ATP5F1C: variants seen among roughly 807,000 people sequenced by gnomAD.
ATP5F1C encodes ATP synthase F(1) complex subunit gamma, mitochondrial.
A neutral mutation model predicts 37.4 loss-of-function variants in ATP5F1C; 22 were observed. The ratio of observed to expected loss-of-function variants is 0.59; its 90% CI spans 0.42 to 0.84. The LOEUF (loss-of-function observed/expected upper bound fraction) is 0.84. Among genes scored for constraint, ATP5F1C ranks in the 40% least tolerant of loss-of-function variants. ATP5F1C has a pLI of 0.00. For synonymous variants in ATP5F1C, 121 were observed against 128.0 expected (o/e 0.95, Z 0.37); for missense variants, 286 against 362.4 (o/e 0.79, Z 1.71).
Position 7,800,042 on chromosome 10 carries a change from T to C in ATP5F1C, c.588T>C (p.Tyr196=). The C allele has an allele frequency of 1.2e-6, 2 of 1,614,078 alleles. No homozygotes were observed. Among genetic ancestry groups the C allele is most frequent in the Non-Finnish European group, 1.7e-6 (2 of 1,179,990 alleles). Residue 196 remains tyrosine, a synonymous_variant, in exon 6 of 10, where the codon TAT becomes TAC. Coordinates refer to ENST00000356708, the MANE Select transcript of ATP5F1C (RefSeq NM_001001973.3). The stretch of plus-strand genomic sequence containing the variant: ...TCAATTCTAGGTCTGTCATCTCCTA[T>C]AAGACAGAAGAAAAGCCCATCTTTT... The part of the protein sequence containing the change: ...IFNKFRSVIS[Y]KTEEKPIFSL...
chr10:7,792,008 CAGTTGAAGTGTCTGCCTAAA>C (rs1443203605), intron 1 of ATP5F1C, among the ~76,000 whole-genome samples: 7 of 152,294 alleles, frequency 4.6e-5, no homozygotes, highest in African/African-American at 1.7e-4. Flanking sequence ...AAACTTGTGT[CAGTTGAAGTGTCTGCCTAAA>C]ACAATAATAT....
At chr10:7,806,865 T>A (rs901171682) in intron 8 of ATP5F1C, 109 bp from the exon 9 acceptor site, 2 of 896,684 alleles carry the variant, frequency 2.2e-6, no homozygotes, top group Admixed American at 4.0e-5. Flanking sequence ...AGGTATCAAG[T>A]TTAACAATTG....
chr10:7,807,420 T>C (rs944508846), intron 9 of ATP5F1C, among the ~76,000 whole-genome samples: 3 of 152,204 alleles, frequency 2.0e-5, no homozygotes, highest in Non-Finnish European at 4.4e-5. Context: ...AACTCTACTG[T>C]ATACTCGAGA....
At chr10:7,791,997 G>A (rs572958451) in intron 1 of ATP5F1C, among the ~76,000 whole-genome samples, 2 of 152,208 alleles carry the variant, frequency 1.3e-5, no homozygotes, top group Non-Finnish European at 2.9e-5. Context: ...TCTCTGACTA[G>A]AAACTTGTGT....
In ATP5F1C at chr10:7,807,668, G is replaced by GA. The variant is rs750974975; in HGVS notation, c.*44dup. 4 of 1,607,034 alleles carry GA rather than the reference G, an allele frequency of 2.5e-6. No homozygotes were observed. The highest frequency in any genetic ancestry group is 3.4e-6 in the Non-Finnish European group (4 of 1,176,392). ...GTACTTTGTTTTTCAGGTAAAGAAGGAAAATTCAGCCAGTTGATTTTGTTT... is the reference window on the plus strand; with the variant it reads ...GTACTTTGTTTTTCAGGTAAAGAAGGAAAAATTCAGCCAGTTGATTTTGTTT... On this transcript the variant is annotated 3_prime_UTR_variant, in exon 10 of 10. Coordinates refer to ENST00000356708, the MANE Select transcript of ATP5F1C (RefSeq NM_001001973.3).
chr10:7,798,989 G>T lies in ATP5F1C; in HGVS notation c.224-1G>T, dbSNP rs1381868253. On this transcript the variant is annotated splice_acceptor_variant, in intron 3 of 9. Coordinates refer to ENST00000356708, the MANE Select transcript of ATP5F1C (RefSeq NM_001001973.3). LOFTEE classifies it high-confidence loss of function. ...AATTACTGCTTTTGTTTGTTTTTAA[G>T]CTCTGTATGAAAAAGCTGATATCAA... 6.2e-7 allele frequency: 1 copy of T among 1,611,420 alleles called. No homozygotes were observed. Among genetic ancestry groups the T allele is most frequent in the Admixed American group, 1.7e-5 (1 of 59,872 alleles).
intron 2 of ATP5F1C, chr10:7,796,788 G>A (rs952471200): frequency 3.7e-5 from 9 of 241,816 alleles, no homozygotes; most frequent in Non-Finnish European, 6.4e-5. Context: ...GTTTCACCGT[G>A]TTAGCCAAGA....
At chr10:7,806,848 G>A (rs1836491901) in intron 8 of ATP5F1C, 126 bp from the exon 9 acceptor site, 2 of 702,688 alleles carry the variant, frequency 2.8e-6, no homozygotes, top group South Asian at 1.8e-5. Flanking sequence ...TTTGCATGAT[G>A]TACTCAAGGT....
rs751035744 is a variant in ATP5F1C, at chr10:7,797,183, G to C, written c.223+5G>C. On this transcript the variant is annotated splice_donor_5th_base_variant and intron_variant, in intron 3 of 9. Coordinates refer to ENST00000356708, the MANE Select transcript of ATP5F1C (RefSeq NM_001001973.3). Reference sequence around the variant, plus strand: ...TATATGGATTGGGATCTTTAGGTAAGGGAAGAGTGTAATTCACAAATTAGG... The same window carrying C: ...TATATGGATTGGGATCTTTAGGTAACGGAAGAGTGTAATTCACAAATTAGG... 21 of 1,612,984 alleles carry C rather than the reference G, an allele frequency of 1.3e-5. No individual in the cohort carries two copies. Among genetic ancestry groups the C allele is most frequent in the Non-Finnish European group, 1.6e-5 (19 of 1,179,398 alleles).
chr10:7,792,046 T>C (rs1836172378), intron 1 of ATP5F1C, among the ~76,000 whole-genome samples: 1 of 152,172 alleles, frequency 6.6e-6, no homozygotes, highest in South Asian at 2.1e-4. Context: ...TATCCAAGAG[T>C]GACTTGTTAT....
chr10:7,798,441 C>T (rs1836283687), intron 3 of ATP5F1C, among the ~76,000 whole-genome samples: 1 of 151,830 alleles, frequency 6.6e-6, no homozygotes, highest in South Asian at 2.1e-4. Flanking sequence ...GAGTCTAGCT[C>T]TGTCTCCCGG....
chr10:7,802,450 C>G, intron 7 of ATP5F1C, 25 bp downstream of exon 7: 2 of 1,591,496 alleles, frequency 1.3e-6, no homozygotes, highest in Non-Finnish European at 1.7e-6. Flanking sequence ...TGGACAGTGC[C>G]AGCAGGAGTG....
At chr10:7,807,039 G>A in intron 9 of ATP5F1C, 29 bp downstream of exon 9, 2 of 1,585,248 alleles carry the variant, frequency 1.3e-6, no homozygotes, top group South Asian at 1.1e-5. Context: ...TCCCATGTCT[G>A]TTCAGAAAAG....
intron 8 of ATP5F1C, among the ~76,000 whole-genome samples, chr10:7,805,674 G>T (rs891283566): frequency 4.7e-5 from 7 of 149,810 alleles, no homozygotes; most frequent in Admixed American, 2.7e-4. Flanking sequence ...ATGAACCTGG[G>T]AGGCGGAGCT....
At chr10:7,803,344 T>C (rs986097863) in intron 8 of ATP5F1C, among the ~76,000 whole-genome samples, 12 of 152,160 alleles carry the variant, frequency 7.9e-5, no homozygotes, top group Non-Finnish European at 1.3e-4. Flanking sequence ...GTACTCACTC[T>C]CACCTCCCCC....
intron 2 of ATP5F1C, chr10:7,796,589 AT>A (rs34314555): frequency 1.1e-4 from 17 of 150,058 alleles, no homozygotes; most frequent in African/African-American, 3.7e-4. Context: ...TACTATTTCT[AT>A]TTTTTTTTTT....
At chr10:7,795,896 G>T (rs1055695824) in intron 1 of ATP5F1C, among the ~76,000 whole-genome samples, 1 of 152,158 alleles carries the variant, frequency 6.6e-6, no homozygotes, top group East Asian at 1.9e-4. Flanking sequence ...TGGGAAGGTG[G>T]TGGTACAGAC....
chr10:7,799,593 C>A (rs1836311637), intron 4 of ATP5F1C, 179 bp from the exon 5 acceptor site: 3 of 653,026 alleles, frequency 4.6e-6, no homozygotes, highest in Non-Finnish European at 7.7e-6. Flanking sequence ...GTTCTTAGTT[C>A]TTTGCAGGTG....
At chr10:7,797,916 T>G (rs527835838) in intron 3 of ATP5F1C, among the ~76,000 whole-genome samples, 1 of 152,356 alleles carries the variant, frequency 6.6e-6, no homozygotes, top group Admixed American at 6.5e-5. Context: ...TATTGTGTTT[T>G]TAGATGCTTT....
Sources: allele counts gnomAD v4.1 joint callset (sites outside exome capture counted in the v4.1 genomes callset), GRCh38; gene constraint gnomAD v4.1.1; transcripts MANE v1.5; gene names NCBI Gene and HGNC (gene_info 2026-07-23, HGNC 2026-07-21).